CLDN16: variants seen among roughly 807,000 people sequenced by gnomAD.
CLDN16 encodes claudin 16.
A neutral mutation model predicts 24.6 loss-of-function variants in CLDN16; 13 were observed. The observed-to-expected ratio is 0.53, with a 90% CI of 0.34 to 0.84. The LOEUF (loss-of-function observed/expected upper bound fraction) is 0.84. Ranked by LOEUF, CLDN16 falls within the 40% of genes least tolerant of loss-of-function variation. The pLI is 0.01. For missense variants in CLDN16, 298 were observed against 292.7 expected, an observed-to-expected ratio of 1.02 and a Z score of -0.13; for synonymous variants, 116 against 106.7, an observed-to-expected ratio of 1.09 and a Z score of -0.54.
At chr3:190,384,160 T>G (rs1718431986), upstream of CLDN16, among the ~76,000 whole-genome samples, 1 of 152,042 alleles carries the variant, frequency 6.6e-6, no homozygotes, top group Non-Finnish European at 1.5e-5. Flanking sequence ...GAACAGCAAC[T>G]GATTTTATTG....
upstream of CLDN16, among the ~76,000 whole-genome samples, chr3:190,320,331 G>T (rs1577392715): frequency 6.6e-6 from 1 of 152,166 alleles, no homozygotes; most frequent in South Asian, 2.1e-4. Context: ...ATTGTCCTTA[G>T]AAACCTCCAC....
intron 2 of CLDN16, among the ~76,000 whole-genome samples, chr3:190,372,694 G>A (rs890851876): frequency 6.6e-6 from 1 of 151,942 alleles, no homozygotes; most frequent in Non-Finnish European, 1.5e-5. Flanking sequence ...GCTAGTATTT[G>A]TGAACCTGTG....
chr3:190,393,747 CTTTTTTTTTT>C (rs58465741), intron 1 of CLDN16, among the ~76,000 whole-genome samples: 2 of 115,230 alleles, frequency 1.7e-5, no homozygotes, highest in South Asian at 3.0e-4. Flanking sequence ...TGTCATTTGC[CTTTTTTTTTT>C]TTTTTTTTTT....
At chr3:190,334,207 A>AAC (rs1717247291) in intron 1 of CLDN16, among the ~76,000 whole-genome samples, 1 of 152,216 alleles carries the variant, frequency 6.6e-6, no homozygotes, top group Admixed American at 6.5e-5. Flanking sequence ...TGTTAGGATA[A>AAC]AACTATACGT....
chr3:190,349,087 G>T (rs141716846), intron 1 of CLDN16, among the ~76,000 whole-genome samples: 1 of 152,296 alleles, frequency 6.6e-6, no homozygotes, highest in East Asian at 1.9e-4. Flanking sequence ...TAAGGTTGAT[G>T]AATCGATATC....
rs569879170 is a variant in CLDN16 at position 190,392,818 on chromosome 3, G to A, written c.114+4375G>A. On this transcript the variant is annotated intron_variant, in intron 1 of 4. Coordinates refer to ENST00000264734, the MANE Select transcript of CLDN16 (RefSeq NM_006580.4). ...CCAGTTTAGAGAAAAGAATACAGGGGTTGGGTCATTAAGAGTTTTGCATAA... is the reference window on the plus strand; with the variant it reads ...CCAGTTTAGAGAAAAGAATACAGGGATTGGGTCATTAAGAGTTTTGCATAA... Among the ~76,000 whole-genome samples, 21 of 152,246 alleles carry A rather than the reference G, an allele frequency of 1.4e-4. No individual in the cohort carries two copies. The South Asian group carries it at 4.1e-3, about 30-fold the overall frequency.
intron 1 of CLDN16, among the ~76,000 whole-genome samples, chr3:190,329,222 C>T (rs143605787): frequency 2.0e-5 from 3 of 152,080 alleles, no homozygotes; most frequent in Non-Finnish European, 2.9e-5. Flanking sequence ...ATGTCAAAGG[C>T]GGGACATTGC....
At position 190,388,383 on chromosome 3, in the gene CLDN16, GT is replaced by G; in HGVS notation, c.59del (p.Leu20Ter). 6.2e-7 allele frequency: 1 copy of G among 1,614,012 alleles called. No individual in the cohort carries two copies. On this transcript the variant is annotated frameshift_variant, in exon 1 of 5. Transcript: ENST00000264734. LOFTEE classifies it high-confidence loss of function. ...ACFFAFFSAG[F>X]LIVATWTDCW... ...GCTTCTTTGCCTTTTTCTCTGCTGG[GT>G]TTTTGATTGTGGCCACCTGGACTGA... is the stretch of plus-strand genomic sequence containing the variant.
At chr3:190,384,615 C>T (rs1258821637), upstream of CLDN16, among the ~76,000 whole-genome samples, 1 of 152,100 alleles carries the variant, frequency 6.6e-6, no homozygotes, top group Non-Finnish European at 1.5e-5. Context: ...AATCAATAGC[C>T]CTGGAGCTGC....
chr3:190,360,988 T>C (rs1345509247), intron 1 of CLDN16, among the ~76,000 whole-genome samples: 1 of 152,026 alleles, frequency 6.6e-6, no homozygotes, highest in Non-Finnish European at 1.5e-5. Flanking sequence ...CTTTAAACCA[T>C]AAAATTATTT....
chr3:190,409,008 C>T (rs1719190210), intron 4 of CLDN16, among the ~76,000 whole-genome samples: 1 of 150,152 alleles, frequency 6.7e-6, no homozygotes. Context: ...AACTATTGTA[C>T]ATTTGAATAT....
At chr3:190,297,907 A>T in the CLDN16 span, among the ~76,000 whole-genome samples, 1 of 151,582 alleles carries the variant, frequency 6.6e-6, no homozygotes, top group African/African-American at 2.4e-5. Flanking sequence ...CTGAAAGATA[A>T]GTTTGTCAAG....
At chr3:190,292,094 C>T in the CLDN16 span, among the ~76,000 whole-genome samples, 1 of 152,190 alleles carries the variant, frequency 6.6e-6, no homozygotes, top group African/African-American at 2.4e-5. Context: ...CCAGTGAAGA[C>T]TCTGTGTGGG....
At chr3:190,321,208 T>G (rs1282183373), upstream of CLDN16, among the ~76,000 whole-genome samples, 1 of 152,218 alleles carries the variant, frequency 6.6e-6, no homozygotes, top group Admixed American at 6.5e-5. Context: ...TCAGTGCCTT[T>G]ACTTTTTTCT....
chr3:190,378,551 A>T (rs577670816), intron 3 of CLDN16, among the ~76,000 whole-genome samples: 1 of 152,176 alleles, frequency 6.6e-6, no homozygotes, highest in Non-Finnish European at 1.5e-5. Flanking sequence ...CCAGGATGGC[A>T]GTCCAAATAT....
At chr3:190,360,483 G>T (rs1717864068) in intron 1 of CLDN16, among the ~76,000 whole-genome samples, 1 of 151,890 alleles carries the variant, frequency 6.6e-6, no homozygotes, top group Non-Finnish European at 1.5e-5. Context: ...GAGATAATAA[G>T]AAACTCAACT....
chr3:190,372,942 T>TTTCTTCC (rs1178495028), intron 2 of CLDN16, among the ~76,000 whole-genome samples: 1 of 151,910 alleles, frequency 6.6e-6, no homozygotes, highest in Admixed American at 6.6e-5. Context: ...CCCTCATCTT[T>TTTCTTCC]TTCTTCCTTC....
chr3:190,345,695 C>G (rs1450900000), intron 1 of CLDN16, among the ~76,000 whole-genome samples: 1 of 152,094 alleles, frequency 6.6e-6, no homozygotes, highest in Non-Finnish European at 1.5e-5. Flanking sequence ...AATGCTTTAC[C>G]TCACTGGGCT....
intron 1 of CLDN16, among the ~76,000 whole-genome samples, chr3:190,356,410 A>G (rs1717774904): frequency 1.3e-5 from 2 of 151,844 alleles, no homozygotes; most frequent in Non-Finnish European, 2.9e-5. Flanking sequence ...ATACATACTC[A>G]TGTCTGGACA....
Sources: gnomAD v4.1 joint callset for allele counts (sites outside exome capture counted in the v4.1 genomes callset) on GRCh38, gnomAD v4.1.1 for gene constraint, MANE v1.5 for transcripts, NCBI Gene and HGNC (gene_info 2026-07-23, HGNC 2026-07-21) for gene names.